Variants in DSG2 observed in about 807,000 individuals in gnomAD.
DSG2 encodes desmoglein-2.
In DSG2, 45 loss-of-function variants were observed where a neutral mutation model predicts 75.6. That is an observed-to-expected ratio of 0.60 (90% confidence interval 0.47 to 0.76). The LOEUF is 0.76. Ranked by LOEUF, DSG2 falls within the 30% of genes least tolerant of loss-of-function variation. The probability of loss-of-function intolerance (pLI) is 0.00; values close to 1 mark genes in which losing one functional copy is unlikely to be tolerated. For synonymous variants in DSG2, 429 were observed against 483.9 expected (o/e 0.89, Z 1.49); for missense variants, 1,267 against 1,357.4 (o/e 0.93, Z 1.05).
intron 1 of DSG2, among the ~76,000 whole-genome samples, chr18:31,512,650 A>G (rs927026837): frequency 2.0e-5 from 3 of 152,224 alleles, no homozygotes; most frequent in African/African-American, 7.2e-5. Context: ...TCCCTGTGAC[A>G]TCATCATCAC....
intron 8 of DSG2, among the ~76,000 whole-genome samples, chr18:31,528,653 T>C (rs1439586631): frequency 6.8e-6 from 1 of 146,370 alleles, no homozygotes; most frequent in Non-Finnish European, 1.5e-5. Flanking sequence ...GAGGTTGCTG[T>C]GAGCCAGCAT....
intron 8 of DSG2, among the ~76,000 whole-genome samples, chr18:31,529,131 ACTT>A (rs2073179524): frequency 6.6e-6 from 1 of 152,218 alleles, no homozygotes; most frequent in Admixed American, 6.5e-5. Context: ...TAACAAATAA[ACTT>A]ACAATCTTTA....
intron 13 of DSG2, 88 bp from the exon 14 acceptor site, chr18:31,542,432 A>C: frequency 7.0e-7 from 1 of 1,423,402 alleles, no homozygotes; most frequent in Non-Finnish European, 9.9e-7. Context: ...ATACCTTCCT[A>C]TGCCCACTTG....
At position 31,536,374 on chromosome 18, in the gene DSG2, C is replaced by T. The variant is rs775653162; in HGVS notation, c.1596C>T (p.Ser532=). 5.0e-6 allele frequency: 8 copies of T among 1,614,098 alleles called. No homozygotes were observed. The highest frequency in any genetic ancestry group is 1.6e-4 in the Middle Eastern group (1 of 6,062). The part of the protein sequence containing the change: ...GHPNSGPFSF[S]VIDKPPGMAE... The stretch of plus-strand genomic sequence containing the variant: ...CAAACAGTGGCCCTTTCAGTTTCTC[C>T]GTCATTGACAAACCACCTGGCATGG... The change falls in exon 11 of 15, where the codon TCC becomes TCT. Residue 532 remains serine, a synonymous_variant. Coordinates refer to ENST00000261590, the MANE Select transcript of DSG2 (RefSeq NM_001943.5).
At position 31,518,280 on chromosome 18, in the gene DSG2, G is replaced by A; in HGVS notation, c.81+6G>A. ...GAAGTGGACTTCACTTACAGGTGAG[G>A]AAACAAAGGGATTATTTCTGCCTTC... On this transcript the variant is annotated splice_donor_region_variant and intron_variant, in intron 2 of 14. Coordinates refer to ENST00000261590, the MANE Select transcript of DSG2 (RefSeq NM_001943.5). 2 of 1,611,616 alleles carry A rather than the reference G, an allele frequency of 1.2e-6. No individual in the cohort carries two copies. The highest frequency in any genetic ancestry group is 8.5e-7 in the Non-Finnish European group (1 of 1,177,846).
At chr18:31,522,308 CTCTT>C (rs910782727) in intron 6 of DSG2, 59 bp downstream of exon 6, 1 of 1,502,534 alleles carries the variant, frequency 6.7e-7, no homozygotes, top group African/African-American at 1.4e-5. Context: ...AGTTTCTCCT[CTCTT>C]TTTCTTTTCT....
intron 8 of DSG2, 56 bp downstream of exon 8, chr18:31,524,944 T>C (rs1204802002): frequency 2.6e-6 from 4 of 1,530,812 alleles, no homozygotes; most frequent in Admixed American, 1.7e-5. Context: ...GAAAGGAATC[T>C]AATATATTTT....
intron 5 of DSG2, 63 bp from the exon 6 acceptor site, chr18:31,522,020 A>T (rs903246531): frequency 6.7e-7 from 1 of 1,490,932 alleles, no homozygotes; most frequent in African/African-American, 1.4e-5. Flanking sequence ...ATTATAAATA[A>T]AATAACAGGT....
chr18:31,539,495 A>G (rs559627866), intron 12 of DSG2, among the ~76,000 whole-genome samples: 10 of 152,342 alleles, frequency 6.6e-5, no homozygotes, highest in East Asian at 3.9e-4. Flanking sequence ...AAAAGTAGGC[A>G]GACCCTCTGA....
At chr18:31,527,890 T>C (rs1289960941) in intron 8 of DSG2, among the ~76,000 whole-genome samples, 1 of 152,208 alleles carries the variant, frequency 6.6e-6, no homozygotes, top group African/African-American at 2.4e-5. Flanking sequence ...TCTTGTTGTA[T>C]CATCACATAG....
intron 3 of DSG2, 67 bp downstream of exon 3, chr18:31,520,004 G>A (rs900639064): frequency 6.3e-7 from 1 of 1,594,702 alleles, no homozygotes; most frequent in South Asian, 1.1e-5. Flanking sequence ...GGACTTTTAT[G>A]TCTACTTTAA....
chr18:31,543,864 T>TA (rs576034927), intron 14 of DSG2, among the ~76,000 whole-genome samples: 26,807 of 94,484 alleles, frequency 0.28, 3,393 homozygotes, highest in East Asian at 0.52. Flanking sequence ...AAACTCTGTC[T>TA]AAAAAAAAAA....
rs2073196127 is a variant in DSG2, at chr18:31,531,159, A to T, written c.1187A>T (p.Tyr396Phe). The T allele has an allele frequency of 6.2e-7, 1 of 1,614,048 alleles. No individual in the cohort carries two copies. The highest frequency in any genetic ancestry group is 1.7e-5 in the Admixed American group (1 of 59,996). ...IHFKSSVISI[Y>F]VSESMDRSSK... The stretch of plus-strand genomic sequence containing the variant: ...TTTAAAAGCAGCGTCATCTCAATTT[A>T]TGTTAGCGAGAGCATGGATAGATCA... Residue 396 changes from tyrosine to phenylalanine, a missense_variant, in exon 9 of 15, where the codon TAT becomes TTT. By Grantham distance (22) the Tyr-to-Phe change is conservative. Transcript: ENST00000261590.
Position 31,548,810 on chromosome 18 carries a change from TATC to T in DSG2, c.*2073_*2075del, listed in dbSNP as rs2073333188. The T allele has an allele frequency of 6.6e-6, 1 of 152,240 alleles. No homozygotes were observed. Among genetic ancestry groups the T allele is most frequent in the Admixed American group, 6.5e-5 (1 of 15,288 alleles). 9.4% of individuals were successfully genotyped at this position (152,240 alleles called of 1,614,324 possible). A position where few individuals can be genotyped will look rare whatever the true frequency, so the allele number is the denominator to read the frequency against. ...TTTTGGAAGATTATATTTGTATATG[TATC>T]ATCATAAAATATTTAAATAAAAAGT... On this transcript the variant is annotated 3_prime_UTR_variant, in exon 15 of 15. Transcript: ENST00000261590.
intron 12 of DSG2, 24 bp from the exon 13 acceptor site, chr18:31,541,169 G>C: frequency 1.2e-6 from 2 of 1,614,074 alleles, no homozygotes; most frequent in Non-Finnish European, 1.7e-6. Context: ...AACCTTATCT[G>C]TGTTCAATTT....
At chr18:31,506,551 G>C (rs1442855755) in intron 1 of DSG2, among the ~76,000 whole-genome samples, 2 of 152,188 alleles carry the variant, frequency 1.3e-5, no homozygotes, top group Non-Finnish European at 2.9e-5. Context: ...TGACAGGCCA[G>C]TGCCATCTAA....
chr18:31,503,287 T>C (rs1335666847), intron 1 of DSG2, among the ~76,000 whole-genome samples: 1 of 152,164 alleles, frequency 6.6e-6, no homozygotes, highest in Non-Finnish European at 1.5e-5. Context: ...CGTAGTACCA[T>C]GGAGCCTATA....
At chr18:31,538,124 A>T (rs2073242946) in intron 11 of DSG2, among the ~76,000 whole-genome samples, 1 of 152,206 alleles carries the variant, frequency 6.6e-6, no homozygotes, top group Non-Finnish European at 1.5e-5. Context: ...AAAAAGAAAA[A>T]GTGGGTATAT....
intron 3 of DSG2, 61 bp from the exon 4 acceptor site, chr18:31,520,742 G>T: frequency 1.3e-6 from 2 of 1,562,534 alleles, no homozygotes; most frequent in South Asian, 2.3e-5. Flanking sequence ...TTTTGGCTAA[G>T]ATCAAATCTA....
Sources: gnomAD v4.1 joint callset for allele counts (sites outside exome capture counted in the v4.1 genomes callset) on GRCh38, gnomAD v4.1.1 for gene constraint, MANE v1.5 for transcripts, NCBI Gene and HGNC (gene_info 2026-07-23, HGNC 2026-07-21) for gene names.